Variants in RNF213 observed in about 807,000 individuals in gnomAD.
The protein encoded by RNF213 is E3 ubiquitin-protein ligase RNF213.
A neutral mutation model predicts 514.4 loss-of-function variants in RNF213; 341 were observed. The ratio of observed to expected loss-of-function variants is 0.66; its 90% CI spans 0.61 to 0.73. The LOEUF (loss-of-function observed/expected upper bound fraction) is 0.73, where lower values mean the gene tolerates loss of function less well. Ranked by LOEUF, RNF213 falls within the 30% of genes least tolerant of loss-of-function variation. The pLI is 0.00. For synonymous variants in RNF213, 2,655 were observed against 2,658.2 expected (o/e 1.00, Z 0.04); for missense variants, 5,767 against 6,615.6 (o/e 0.87, Z 4.45).
chr17:80,388,493 G>T, intron 63 of RNF213, 119 bp from the exon 64 acceptor site: 1 of 770,788 alleles, frequency 1.3e-6, no homozygotes, highest in Non-Finnish European at 2.3e-6. Flanking sequence ...TTAGCCAAGG[G>T]ATACACAGGG....
rs1014427552 is a variant in RNF213, at chr17:80,393,915, T to C, written c.*417T>C. 9.8e-6 allele frequency: 2 copies of C among 204,616 alleles called. No homozygotes were observed. Among genetic ancestry groups the C allele is most frequent in the Non-Finnish European group, 2.0e-5 (2 of 98,490 alleles). The allele number at this position is 204,616 out of a possible 1,614,324, so 12.7% of individuals were successfully genotyped here. ...CTGTACTCACAAAAGAGAATCTCAT[T>C]TTCTTCTTTCTTCCATTCCCTTAAA... is the stretch of plus-strand genomic sequence containing the variant. On this transcript the variant is annotated 3_prime_UTR_variant, in exon 68 of 68. Transcript: ENST00000582970.
At chr17:80,354,294 G>A in intron 35 of RNF213, 128 bp downstream of exon 35, 1 of 1,494,096 alleles carries the variant, frequency 6.7e-7, no homozygotes, top group Non-Finnish European at 9.3e-7. Flanking sequence ...CAGTGACACA[G>A]TGGGAATCTA....
intron 2 of RNF213, among the ~76,000 whole-genome samples, chr17:80,272,675 G>A (rs142742396): frequency 0.013 from 2,035 of 152,278 alleles, 48 homozygotes; most frequent in African/African-American, 0.046. Context: ...GACAAAGTGC[G>A]TCCACACCAC....
Position 80,306,370 on chromosome 17 carries a change from T to C in RNF213, c.2329T>C (p.Phe777Leu). Residue 777 changes from phenylalanine to leucine, a missense_variant, in exon 12 of 68, where the codon TTC becomes CTC. Physicochemically the swap from Phe to Leu is conservative, Grantham distance 22. This residue lies in a region of RNF213 where 592 missense variants were observed against 673.9 expected (regional missense o/e 0.88). Coordinates refer to ENST00000582970, the MANE Select transcript of RNF213 (RefSeq NM_001256071.3). The part of the protein sequence containing the change: ...LSHLVMYMEN[F>L]IEHLGRFPAH... ...TCACCTGGTTATGTATATGGAAAAC[T>C]TCATTGAGCACCTGGGTCGTTTTCC... The C allele has an allele frequency of 6.2e-7, 1 of 1,614,210 alleles. No homozygotes were observed. Among genetic ancestry groups the C allele is most frequent in the Non-Finnish European group, 8.5e-7 (1 of 1,180,042 alleles).
chr17:80,364,205 C>T (rs530714074), intron 41 of RNF213, among the ~76,000 whole-genome samples: 178 of 152,270 alleles, frequency 1.2e-3, no homozygotes, highest in African/African-American at 4.2e-3. Flanking sequence ...TGGTGGTACC[C>T]CATGCAGAGG....
At chr17:80,383,984 G>C in intron 59 of RNF213, 56 bp downstream of exon 59, 1 of 1,607,090 alleles carries the variant, frequency 6.2e-7, no homozygotes, top group Non-Finnish European at 8.5e-7. Flanking sequence ...TCCCCAGCAG[G>C]CCTGAAGGCC....
intron 3 of RNF213, among the ~76,000 whole-genome samples, chr17:80,277,252 G>C (rs1047395744): frequency 6.6e-6 from 1 of 152,010 alleles, no homozygotes; most frequent in Admixed American, 6.6e-5. Context: ...TGGCTGGGAG[G>C]AGTGGGGAGG....
intron 17 of RNF213, chr17:80,319,962 T>A (rs2046083899): frequency 9.7e-7 from 1 of 1,032,282 alleles, no homozygotes; most frequent in Non-Finnish European, 1.2e-6. Context: ...GGGGTTCTAA[T>A]TTTTTAAGTG....
Position 80,347,483 on chromosome 17 carries a change from G to A in RNF213, c.9148G>A (p.Val3050Met), listed in dbSNP as rs1480754370. The change falls in exon 29 of 68, where the codon GTG becomes ATG. Residue 3050 changes from valine (V) to methionine (M), a missense_variant. Coordinates refer to ENST00000582970, the MANE Select transcript of RNF213 (RefSeq NM_001256071.3). The surrounding 1 kb of genome is among the most constrained non-coding windows in gnomAD (Gnocchi z 7.2). ...CTTACTCGTGCTGACCAAAAACTAC[G>A]TGGCACTGCAGATCCTGCAGCAGAC... ...RYLLVLTKNY[V>M]ALQILQQTFF... is the part of the protein sequence containing the mutation. 4 of 1,613,968 alleles carry A rather than the reference G, an allele frequency of 2.5e-6. No homozygotes were observed. Among genetic ancestry groups the A allele is most frequent in the Middle Eastern group, 3.3e-4 (2 of 6,084 alleles).
At chr17:80,325,677 C>A (rs199868778) in intron 18 of RNF213, among the ~76,000 whole-genome samples, 6 of 151,440 alleles carry the variant, frequency 4.0e-5, no homozygotes, top group Admixed American at 6.6e-5. Context: ...TCTGATTTCC[C>A]CCCAGCCCCC....
chr17:80,324,360 G>A (rs1052257642), intron 17 of RNF213, among the ~76,000 whole-genome samples: 4 of 152,098 alleles, frequency 2.6e-5, no homozygotes, highest in African/African-American at 9.7e-5. Context: ...ATGATCATGC[G>A]ATATTTTCCT....
At chr17:80,295,415 A>C (rs931261153) in intron 9 of RNF213, 142 bp from the exon 10 acceptor site, 1 of 1,054,218 alleles carries the variant, frequency 9.5e-7, no homozygotes, top group Non-Finnish European at 1.4e-6. Context: ...GCTGCACTGC[A>C]GCTCCTCCTG....
chr17:80,388,888 G>C (rs557235446), intron 64 of RNF213, 199 bp downstream of exon 64: 5 of 638,618 alleles, frequency 7.8e-6, no homozygotes, highest in Non-Finnish European at 1.4e-5. Flanking sequence ...CATCTTGTGG[G>C]TTTGATTCTT....
intron 61 of RNF213, among the ~76,000 whole-genome samples, chr17:80,386,042 AC>A: frequency 6.6e-6 from 1 of 152,074 alleles, no homozygotes; most frequent in Admixed American, 6.6e-5. Context: ...AGGAAAATAA[AC>A]CCTCAGTACT....
chr17:80,313,315 C>A, intron 15 of RNF213, 148 bp downstream of exon 15: 1 of 1,094,004 alleles, frequency 9.1e-7, no homozygotes. Context: ...TGGAGTTGCT[C>A]CTGTCTACCT....
In RNF213 at chr17:80,361,239, A is replaced by G. The variant is rs145864827; in HGVS notation, c.11201-495A>G. ...CTTCCTTTATTTTATTCCACTGGAA[A>G]AATATCCTAGGCCAGGCGCAGTGGT... On this transcript the variant is annotated intron_variant, in intron 38 of 67. Coordinates refer to ENST00000582970, the MANE Select transcript of RNF213 (RefSeq NM_001256071.3). 3.5e-3 allele frequency among the ~76,000 whole-genome samples: 533 copies of G among 152,354 alleles called. 4 individuals are homozygous for G. Among genetic ancestry groups the G allele is most frequent in the Non-Finnish European group, 5.1e-3 (345 of 68,036 alleles).
intron 36 of RNF213, 120 bp downstream of exon 36, chr17:80,354,696 C>T: frequency 7.7e-7 from 1 of 1,294,276 alleles, no homozygotes; most frequent in Non-Finnish European, 1.1e-6. Flanking sequence ...CCAAACCTCT[C>T]AGCCATTCAA....
intron 39 of RNF213, 149 bp from the exon 40 acceptor site, chr17:80,362,952 GA>G: frequency 1.3e-6 from 1 of 773,308 alleles, no homozygotes; most frequent in South Asian, 1.6e-5. Context: ...GAGGCAGATA[GA>G]AAACTGGACA....
chr17:80,288,361 A>G lies in RNF213; in HGVS notation c.808A>G (p.Met270Val). The part of the protein sequence containing the change: ...TEQQAGASAS[M>V]AVDAVAEPAN... Reference sequence around the variant, plus strand: ...GCAACAGGCAGGGGCCTCAGCCTCTATGGTGAGTCATCCGGGAGAGATGGC... The same window carrying G: ...GCAACAGGCAGGGGCCTCAGCCTCTGTGGTGAGTCATCCGGGAGAGATGGC... Residue 270 changes from methionine (M) to valine (V), a missense_variant and splice_region_variant, in exon 4 of 68, where the codon ATG (methionine) becomes GTG (valine). Transcript: ENST00000582970. The surrounding 1 kb of genome is among the most constrained non-coding windows in gnomAD (Gnocchi z 4.9). 1 of 1,611,958 alleles carries G rather than the reference A, an allele frequency of 6.2e-7. No homozygotes were observed. Among genetic ancestry groups the G allele is most frequent in the Non-Finnish European group, 8.5e-7 (1 of 1,179,948 alleles).
Sources: allele counts gnomAD v4.1 joint callset (sites outside exome capture counted in the v4.1 genomes callset), GRCh38; gene constraint gnomAD v4.1.1; regional missense constraint gnomAD v4.1.1; non-coding constraint Gnocchi (gnomAD v3.1); transcripts MANE v1.5; gene names NCBI Gene and HGNC (gene_info 2026-07-23, HGNC 2026-07-21).